The following RBM4B variants were observed in gnomAD, a reference collection of about 807,000 sequenced individuals.
The protein encoded by RBM4B is RNA-binding protein 4B.
RBM4B carries 13 observed loss-of-function variants against 28.5 expected under a neutral mutation model. The ratio of observed to expected loss-of-function variants is 0.46; its 90% CI spans 0.30 to 0.72. The LOEUF is 0.72. RBM4B is among the 30% of genes least tolerant of loss of function. The pLI is 0.09. For synonymous variants in RBM4B, 167 were observed against 179.1 expected, an observed-to-expected ratio of 0.93 and a Z score of 0.54; for missense variants, 387 against 477.6, an observed-to-expected ratio of 0.81 and a Z score of 1.77.
rs760475606 is a variant in RBM4B, at chr11:66,669,306, T to C, written c.413-15A>G. On this transcript the variant is annotated splice_polypyrimidine_tract_variant and intron_variant, in intron 2 of 3. Transcript: ENST00000310046. ...CATTCTTTTGCCTTGAGGGAACAGATGTAAGAAGATTTATTTTAACTCACT... is the reference window on the plus strand; with the variant it reads ...CATTCTTTTGCCTTGAGGGAACAGACGTAAGAAGATTTATTTTAACTCACT... 7 of 1,601,024 alleles carry C rather than the reference T, an allele frequency of 4.4e-6. No individual in the cohort carries two copies. The highest frequency in any genetic ancestry group is 3.3e-5 in the South Asian group (3 of 90,478).
At position 66,669,540 on chromosome 11, in the gene RBM4B, G is replaced by A. The variant is rs1406813749; in HGVS notation, c.413-249C>T. On this transcript the variant is annotated intron_variant, in intron 2 of 3. Coordinates refer to ENST00000310046, the MANE Select transcript of RBM4B (RefSeq NM_031492.4). ...CAGCTCACCGCAACCTCCACCTCCC[G>A]GATTCAAGCAATTCTCCTGCCTCAG... Among the ~76,000 whole-genome samples the A allele has an allele frequency of 6.6e-5, 10 of 151,886 alleles. No homozygotes were observed. In the South Asian group the frequency reaches 1.0e-3, roughly 16 times the overall value.
At chr11:66,670,818 A>G in intron 2 of RBM4B, 3 of 634,100 alleles carry the variant, frequency 4.7e-6, no homozygotes, top group Non-Finnish European at 5.6e-6. Context: ...AAAAAAAAAA[A>G]AAAAATGGAA....
In RBM4B at chr11:66,669,068, G is replaced by A. The variant is rs559431794; in HGVS notation, c.636C>T (p.Asn212=). Residue 212 remains asparagine (N), a synonymous_variant, in exon 3 of 4, where the codon AAC becomes AAT. Coordinates refer to ENST00000310046, the MANE Select transcript of RBM4B (RefSeq NM_031492.4). ...AGTAGTCGAGTGCTCCATATGCATCGTTGTAATACATGGATTCCCCGTAGC... is the reference window on the plus strand; with the variant it reads ...AGTAGTCGAGTGCTCCATATGCATCATTGTAATACATGGATTCCCCGTAGC... ...TMGYGESMYY[N]DAYGALDYYK... is the part of the protein sequence containing the mutation. 5.0e-6 allele frequency: 8 copies of A among 1,614,162 alleles called. No homozygotes were observed. The African/African-American group carries it at 5.3e-5, about 11-fold the overall frequency.
Position 66,677,041 on chromosome 11 carries a change from A to G in RBM4B, c.39T>C (p.Ala13=). The part of the protein sequence containing the change: ...KLFIGNLPRE[A]TEQEIRSLFE... ...AGAGTGAGCGAATCTCCTGCTCTGT[A>G]GCCTCCCGGGGAAGGTTTCCGATGA... Residue 13 remains alanine (A), a synonymous_variant, in exon 2 of 4, where the codon GCT becomes GCC. Transcript: ENST00000310046. 1 of 1,614,092 alleles carries G rather than the reference A, an allele frequency of 6.2e-7. No homozygotes were observed. The highest frequency in any genetic ancestry group is 8.5e-7 in the Non-Finnish European group (1 of 1,179,992).
chr11:66,671,845 A>G (rs940500230), intron 2 of RBM4B, among the ~76,000 whole-genome samples: 16 of 152,142 alleles, frequency 1.1e-4, no homozygotes, highest in Admixed American at 3.3e-4. Context: ...GGTTCAAGCA[A>G]TTCCCTGCCT....
chr11:66,674,231 T>C (rs1939566538), intron 2 of RBM4B, among the ~76,000 whole-genome samples: 1 of 148,354 alleles, frequency 6.7e-6, no homozygotes, highest in African/African-American at 2.5e-5. Flanking sequence ...TTTTCTTTCT[T>C]TTTTTTTTTT....
chr11:66,668,202 T>C (rs12364617), intron 3 of RBM4B: 28 of 166,680 alleles, frequency 1.7e-4, no homozygotes, highest in East Asian at 4.7e-4. Context: ...TCAAATGACT[T>C]TGGGCAAAGT....
chr11:66,673,006 C>T (rs1939519807), intron 2 of RBM4B, among the ~76,000 whole-genome samples: 1 of 152,050 alleles, frequency 6.6e-6, no homozygotes, highest in Non-Finnish European at 1.5e-5. Context: ...TCCAGAAAAC[C>T]AGCCCTATAA....
chr11:66,671,642 C>T (rs948180839), intron 2 of RBM4B, among the ~76,000 whole-genome samples: 1 of 152,218 alleles, frequency 6.6e-6, no homozygotes, highest in African/African-American at 2.4e-5. Context: ...ATCCAATCTT[C>T]ATTCCTGCTT....
intron 2 of RBM4B, among the ~76,000 whole-genome samples, chr11:66,672,169 G>A (rs1313436079): frequency 3.3e-5 from 5 of 151,940 alleles, no homozygotes; most frequent in Non-Finnish European, 4.4e-5. Context: ...CACTTTGGGA[G>A]GCTGAGGTGA....
At chr11:66,673,443 A>T (rs1331507426) in intron 2 of RBM4B, among the ~76,000 whole-genome samples, 1 of 152,208 alleles carries the variant, frequency 6.6e-6, no homozygotes, top group Non-Finnish European at 1.5e-5. Flanking sequence ...GGTTCAAAAG[A>T]TGTTCAAGTG....
At chr11:66,665,952 G>C in intron 3 of RBM4B, 1 of 1,532,724 alleles carries the variant, frequency 6.5e-7, no homozygotes, top group South Asian at 1.2e-5. Context: ...TCCAGGAAAA[G>C]CAGAAGATGC....
At chr11:66,677,334 G>A in intron 1 of RBM4B, 1 of 558,040 alleles carries the variant, frequency 1.8e-6, no homozygotes, top group South Asian at 2.4e-5. Flanking sequence ...GTGAAGTGGA[G>A]CGCAATGAAA....
chr11:66,672,205 G>A (rs972304133), intron 2 of RBM4B, among the ~76,000 whole-genome samples: 2 of 151,542 alleles, frequency 1.3e-5, no homozygotes, highest in Admixed American at 1.3e-4. Flanking sequence ...CCAGAAGTTC[G>A]AGACCAGCCT....
At chr11:66,671,085 C>T in intron 2 of RBM4B, 1 of 696,840 alleles carries the variant, frequency 1.4e-6, no homozygotes, top group Middle Eastern at 2.5e-4. Flanking sequence ...TAGTCAAATT[C>T]CTTCTGCCCA....
intron 2 of RBM4B, among the ~76,000 whole-genome samples, chr11:66,672,512 G>GA (rs962092850): frequency 1.0e-4 from 15 of 150,716 alleles, no homozygotes; most frequent in African/African-American, 3.7e-4. Flanking sequence ...TTTTGGGGGG[G>GA]GGGGACAGAT....
At chr11:66,669,875 C>T (rs1939406094) in intron 2 of RBM4B, among the ~76,000 whole-genome samples, 1 of 152,206 alleles carries the variant, frequency 6.6e-6, no homozygotes, top group South Asian at 2.1e-4. Flanking sequence ...TCCTTTTTCC[C>T]CTTATACACA....
At chr11:66,676,627 G>C in intron 2 of RBM4B, 41 bp downstream of exon 2, 1 of 1,603,510 alleles carries the variant, frequency 6.2e-7, no homozygotes, top group African/African-American at 1.3e-5. Flanking sequence ...TTTTGAGCTA[G>C]ACCCCACTCG....
rs1939178044 is a variant in RBM4B, at chr11:66,665,159, A to G, written c.*429T>C. ...CCCCAATGGTCCTAGCAATTTCAGA[A>G]GAGTAACTTAAGTGTTAAGAGTCCA... On this transcript the variant is annotated 3_prime_UTR_variant, in exon 4 of 4. Transcript: ENST00000310046. 1 of 168,396 alleles carries G rather than the reference A, an allele frequency of 5.9e-6. No individual in the cohort carries two copies. Among genetic ancestry groups the G allele is most frequent in the African/African-American group, 2.4e-5 (1 of 41,812 alleles). The allele number at this position is 168,396 out of a possible 1,614,324, so 10.4% of individuals were successfully genotyped here.
Sources: gnomAD v4.1 joint callset for allele counts (sites outside exome capture counted in the v4.1 genomes callset) on GRCh38, gnomAD v4.1.1 for gene constraint, MANE v1.5 for transcripts, NCBI Gene and HGNC (gene_info 2026-07-23, HGNC 2026-07-21) for gene names.